Variants in DTWD2 observed in about 807,000 individuals in gnomAD.
The protein encoded by DTWD2 is tRNA-uridine aminocarboxypropyltransferase 2.
Under a neutral mutation model 31.8 loss-of-function variants are expected in DTWD2, and 39 were observed. The ratio of observed to expected loss-of-function variants is 1.22; its 90% CI spans 0.95 to 1.60. The LOEUF is 1.60. Ranked by LOEUF, DTWD2 falls within the 40% of genes most tolerant of loss-of-function variation. DTWD2 has a pLI of 0.00. For missense variants in DTWD2, 515 were observed against 381.5 expected, an observed-to-expected ratio of 1.35 and a Z score of -2.92; for synonymous variants, 180 against 142.8, an observed-to-expected ratio of 1.26 and a Z score of -1.86.
At chr5:118,845,145 GGAAAA>G (rs1354665292) in intron 5 of DTWD2, among the ~76,000 whole-genome samples, 1 of 151,558 alleles carries the variant, frequency 6.6e-6, no homozygotes, top group East Asian at 1.9e-4. Context: ...AGACTCTGTT[GGAAAA>G]GAAAAAGAAA....
intron 4 of DTWD2, among the ~76,000 whole-genome samples, chr5:118,881,121 T>G (rs1314683128): frequency 6.6e-6 from 1 of 152,202 alleles, no homozygotes; most frequent in Non-Finnish European, 1.5e-5. Flanking sequence ...ACAAAATACT[T>G]AACATGCTAG....
In DTWD2 at chr5:118,838,351, C is replaced by T. The variant is rs1165346555; in HGVS notation, c.*2566G>A. 2 of 151,914 alleles carry T rather than the reference C, an allele frequency of 1.3e-5. No homozygotes were observed. Among genetic ancestry groups the T allele is most frequent in the Non-Finnish European group, 2.9e-5 (2 of 68,012 alleles). The allele number at this position is 151,914 out of a possible 1,614,324, so 9.4% of individuals were successfully genotyped here. On this transcript the variant is annotated 3_prime_UTR_variant, in exon 6 of 6. Coordinates refer to ENST00000510708, the MANE Select transcript of DTWD2 (RefSeq NM_173666.4). The stretch of plus-strand genomic sequence containing the variant: ...GTGCAGATGGGGTACACAAGTAAAA[C>T]CTACTATCAGCTACAAATTCATAAA...
chr5:118,856,254 T>C (rs1376686883), intron 4 of DTWD2, among the ~76,000 whole-genome samples: 1 of 152,216 alleles, frequency 6.6e-6, no homozygotes, highest in African/African-American at 2.4e-5. Flanking sequence ...TTTATAAAAA[T>C]TTAGGTTATA....
intron 4 of DTWD2, among the ~76,000 whole-genome samples, chr5:118,914,920 A>G (rs935962846): frequency 1.3e-5 from 2 of 152,204 alleles, no homozygotes; most frequent in African/African-American, 4.8e-5. Flanking sequence ...AAAAATCCTT[A>G]TAAAACAAAA....
intron 1 of DTWD2, among the ~76,000 whole-genome samples, chr5:118,950,723 G>C (rs1280082162): frequency 6.6e-6 from 1 of 152,210 alleles, no homozygotes; most frequent in Non-Finnish European, 1.5e-5. Context: ...CTGTGGCTTA[G>C]GCGTTTTGAA....
At chr5:118,929,902 G>C (rs1753885734) in intron 3 of DTWD2, among the ~76,000 whole-genome samples, 4 of 152,178 alleles carry the variant, frequency 2.6e-5, no homozygotes, top group Admixed American at 2.6e-4. Context: ...TATGAAGGCT[G>C]CTATCGGTGC....
intron 4 of DTWD2, among the ~76,000 whole-genome samples, chr5:118,880,166 T>C (rs983965585): frequency 6.6e-6 from 1 of 152,212 alleles, no homozygotes; most frequent in African/African-American, 2.4e-5. Flanking sequence ...TGTAAGCTAT[T>C]TGACATTTTT....
intron 1 of DTWD2, among the ~76,000 whole-genome samples, chr5:118,955,570 G>C (rs1029966667): frequency 3.3e-5 from 5 of 151,978 alleles, no homozygotes; most frequent in African/African-American, 1.2e-4. Context: ...TAGGCACTTG[G>C]GACAATAAAA....
chr5:118,926,270 G>A (rs1488234325), intron 4 of DTWD2, among the ~76,000 whole-genome samples: 1 of 152,104 alleles, frequency 6.6e-6, no homozygotes, highest in Non-Finnish European at 1.5e-5. Flanking sequence ...GGAACTGGAG[G>A]CCATTATTCT....
intron 4 of DTWD2, among the ~76,000 whole-genome samples, chr5:118,927,070 A>AAG (rs528701215): frequency 7.2e-5 from 11 of 151,772 alleles, no homozygotes; most frequent in South Asian, 4.2e-4. Flanking sequence ...GAGACAGAGA[A>AAG]AGAGAGAGAG....
intron 4 of DTWD2, among the ~76,000 whole-genome samples, chr5:118,907,533 C>T (rs1215341726): frequency 6.6e-6 from 1 of 152,082 alleles, no homozygotes; most frequent in African/African-American, 2.4e-5. Flanking sequence ...CAGTTCGAGA[C>T]CAGCCTGGCC....
At chr5:118,922,915 A>G (rs548731967) in intron 4 of DTWD2, among the ~76,000 whole-genome samples, 2 of 152,312 alleles carry the variant, frequency 1.3e-5, no homozygotes, top group African/African-American at 2.4e-5. Flanking sequence ...TTCTGTTAGC[A>G]TAAATAAAAC....
At chr5:118,899,791 C>A (rs1292776136) in intron 4 of DTWD2, among the ~76,000 whole-genome samples, 6 of 147,806 alleles carry the variant, frequency 4.1e-5, no homozygotes, top group Non-Finnish European at 7.4e-5. Flanking sequence ...AGTCATACTT[C>A]GTTTTTTCTT....
chr5:118,956,577 A>G (rs1248208924), intron 1 of DTWD2, among the ~76,000 whole-genome samples: 2 of 152,202 alleles, frequency 1.3e-5, no homozygotes, highest in Non-Finnish European at 2.9e-5. Flanking sequence ...AAATCTTTCA[A>G]AGCTTTAATT....
intron 1 of DTWD2, among the ~76,000 whole-genome samples, chr5:118,946,124 G>A (rs1754333855): frequency 6.6e-6 from 1 of 152,186 alleles, no homozygotes; most frequent in African/African-American, 2.4e-5. Context: ...AAATTATCTA[G>A]ATATCTTAGG....
chr5:118,973,782 C>G (rs112737380), intron 1 of DTWD2: 2 of 1,611,252 alleles, frequency 1.2e-6, no homozygotes, highest in East Asian at 2.2e-5. Context: ...ATCGGATCAC[C>G]GGCGTGCCCC....
chr5:118,961,170 A>C (rs1325454652), intron 1 of DTWD2, among the ~76,000 whole-genome samples: 1 of 152,184 alleles, frequency 6.6e-6, no homozygotes, highest in African/African-American at 2.4e-5. Context: ...AGAGAGATGA[A>C]TATATACAGC....
At chr5:118,912,779 T>G (rs1330576546) in intron 4 of DTWD2, among the ~76,000 whole-genome samples, 1 of 152,164 alleles carries the variant, frequency 6.6e-6, no homozygotes, top group Non-Finnish European at 1.5e-5. Flanking sequence ...ATAAACTCCA[T>G]GAGAAAAACA....
At chr5:118,890,316 T>C (rs940290224) in intron 4 of DTWD2, among the ~76,000 whole-genome samples, 1 of 152,200 alleles carries the variant, frequency 6.6e-6, no homozygotes. Context: ...CAAATAGTCT[T>C]ATATATACTT....
Sources: allele counts gnomAD v4.1 joint callset (sites outside exome capture counted in the v4.1 genomes callset), GRCh38; gene constraint gnomAD v4.1.1; transcripts MANE v1.5; gene names NCBI Gene and HGNC (gene_info 2026-07-23, HGNC 2026-07-21).